Variants in PDE4D observed in about 807,000 individuals in gnomAD.
PDE4D encodes 3',5'-cyclic-AMP phosphodiesterase 4D.
Under a neutral mutation model 87.4 loss-of-function variants are expected in PDE4D, and 24 were observed. The observed-to-expected ratio is 0.27, with a 90% CI of 0.20 to 0.39. The LOEUF (loss-of-function observed/expected upper bound fraction) is 0.39. Ranked by LOEUF, PDE4D falls within the 10% of genes least tolerant of loss-of-function variation. The pLI is 1.00. For synonymous variants in PDE4D, 384 were observed against 383.2 expected (o/e 1.00, Z -0.02); for missense variants, 714 against 1,041.0 (o/e 0.69, Z 4.32).
At position 59,184,817 on chromosome 5, in the gene PDE4D, G is replaced by C. The variant is rs370195076; in HGVS notation, c.758+372C>G. On this transcript the variant is annotated intron_variant, in intron 4 of 14. Coordinates refer to ENST00000340635, the MANE Select transcript of PDE4D (RefSeq NM_001104631.2). ...TGATATGGCGCTTCTCCAAATCATC[G>C]TTGTCTTGAGAGGATGACTTTCAGC... Among the ~76,000 whole-genome samples, 5 of 152,146 alleles carry C rather than the reference G, an allele frequency of 3.3e-5. No individual in the cohort carries two copies. In the East Asian group the frequency reaches 7.7e-4, roughly 23 times the overall value.
chr5:60,174,068 A>G (rs1783707009), intron 2 of PDE4D, among the ~76,000 whole-genome samples: 1 of 152,128 alleles, frequency 6.6e-6, no homozygotes, highest in Non-Finnish European at 1.5e-5. Context: ...CTAGTTTGGG[A>G]AATGTTGTGT....
chr5:60,337,810 C>T (rs1757947892), intron 1 of PDE4D, among the ~76,000 whole-genome samples: 2 of 151,940 alleles, frequency 1.3e-5, no homozygotes, highest in Admixed American at 1.3e-4. Flanking sequence ...CAGATTTGTT[C>T]AGTCACGCAA....
chr5:60,166,016 G>A (rs1026831509), intron 2 of PDE4D, among the ~76,000 whole-genome samples: 2 of 151,952 alleles, frequency 1.3e-5, no homozygotes, highest in Non-Finnish European at 2.9e-5. Flanking sequence ...CTGATTCCTT[G>A]CATTTTGTGT....
chr5:59,527,943 CT>C (rs1309416413), intron 1 of PDE4D, among the ~76,000 whole-genome samples: 1 of 152,114 alleles, frequency 6.6e-6, no homozygotes, highest in African/African-American at 2.4e-5. Flanking sequence ...CTTAAGTATC[CT>C]TCTGTTATAT....
chr5:60,085,040 A>C (rs950970429), intron 2 of PDE4D, among the ~76,000 whole-genome samples: 2 of 152,208 alleles, frequency 1.3e-5, no homozygotes, highest in Non-Finnish European at 2.9e-5. Context: ...ATTTTTCCTA[A>C]GAGTAATAAT....
intron 1 of PDE4D, among the ~76,000 whole-genome samples, chr5:60,419,128 T>C (rs948410566): frequency 6.6e-6 from 1 of 152,154 alleles, no homozygotes; most frequent in South Asian, 2.1e-4. Context: ...CAGGTAGCAA[T>C]TGCACTTTTA....
chr5:59,856,819 TA>T (rs1313905649), intron 1 of PDE4D, among the ~76,000 whole-genome samples: 1 of 152,162 alleles, frequency 6.6e-6, no homozygotes, highest in Non-Finnish European at 1.5e-5. Flanking sequence ...TTCAAACTTT[TA>T]CATGAAAGCT....
chr5:60,148,254 T>C (rs1307889783), intron 2 of PDE4D, among the ~76,000 whole-genome samples: 1 of 152,178 alleles, frequency 6.6e-6, no homozygotes, highest in Non-Finnish European at 1.5e-5. Context: ...CCCAAGAGAA[T>C]GTACAGTTGA....
intron 1 of PDE4D, among the ~76,000 whole-genome samples, chr5:60,463,291 T>C (rs781624346): frequency 2.0e-5 from 3 of 152,150 alleles, no homozygotes; most frequent in Non-Finnish European, 4.4e-5. Context: ...GTCTAGTTAA[T>C]GTGTCTCCCG....
intron 1 of PDE4D, chr5:59,768,358 G>A (rs752672238): frequency 1.3e-6 from 2 of 1,598,250 alleles, no homozygotes; most frequent in African/African-American, 2.7e-5. Flanking sequence ...GAGCTTGGGA[G>A]AAACCGATTT....
At chr5:59,691,330 T>A (rs545045106) in intron 1 of PDE4D, among the ~76,000 whole-genome samples, 2 of 151,968 alleles carry the variant, frequency 1.3e-5, no homozygotes, top group African/African-American at 4.8e-5. Context: ...CAAATGTCCA[T>A]CAATGATAGA....
intron 5 of PDE4D, among the ~76,000 whole-genome samples, chr5:59,126,842 G>A (rs568518142): frequency 6.6e-6 from 1 of 152,110 alleles, no homozygotes; most frequent in South Asian, 2.1e-4. Context: ...AAAATAAAGC[G>A]TGTTATACAG....
In PDE4D at chr5:59,715,760, C is replaced by T. The variant is rs575287656; in HGVS notation, c.455+177408G>A. 9.2e-5 allele frequency among the ~76,000 whole-genome samples: 14 copies of T among 152,270 alleles called. No individual in the cohort carries two copies. The South Asian group carries it at 2.7e-3, about 29-fold the overall frequency. On this transcript the variant is annotated intron_variant, in intron 1 of 14. Transcript: ENST00000340635. Reference sequence around the variant, plus strand: ...ACGGATGGTAACCTGTTGTTGCATGCCCCAATGCCCCTAAAGGTAGGGAAA... The same window carrying T: ...ACGGATGGTAACCTGTTGTTGCATGTCCCAATGCCCCTAAAGGTAGGGAAA...
Position 59,646,899 on chromosome 5 carries a change from G to A in PDE4D, c.455+246269C>T, listed in dbSNP as rs192711286. On this transcript the variant is annotated intron_variant, in intron 1 of 14. Coordinates refer to ENST00000340635, the MANE Select transcript of PDE4D (RefSeq NM_001104631.2). ...AACTACAAAAAATTAGCTGATCATG[G>A]TGGCACGAGCCTGTAGTCCCAGCTA... Among the ~76,000 whole-genome samples the A allele has an allele frequency of 4.9e-4, 75 of 152,212 alleles. 1 individual carries two copies. Among genetic ancestry groups the A allele is most frequent in the Admixed American group, 4.8e-3 (73 of 15,278 alleles).
intron 1 of PDE4D, among the ~76,000 whole-genome samples, chr5:59,737,970 T>C (rs755665872): frequency 8.5e-5 from 13 of 152,170 alleles, no homozygotes; most frequent in Non-Finnish European, 1.0e-4. Context: ...AGAAAAAATA[T>C]GCAGAGCCCT....
chr5:59,873,584 C>T (rs1271024052), intron 1 of PDE4D, among the ~76,000 whole-genome samples: 1 of 152,148 alleles, frequency 6.6e-6, no homozygotes, highest in Non-Finnish European at 1.5e-5. Flanking sequence ...CAACTTTTAC[C>T]TATGAAGTTG....
At chr5:60,118,454 G>A (rs535110893) in intron 2 of PDE4D, among the ~76,000 whole-genome samples, 62 of 151,984 alleles carry the variant, frequency 4.1e-4, no homozygotes, top group African/African-American at 1.4e-3. Flanking sequence ...TTAAGCTGAT[G>A]GTTTCTTTCC....
intron 1 of PDE4D, among the ~76,000 whole-genome samples, chr5:59,600,845 A>G (rs936894060): frequency 5.9e-5 from 9 of 152,218 alleles, no homozygotes; most frequent in Non-Finnish European, 1.3e-4. Flanking sequence ...AATAAAAGCT[A>G]TGCTCAATTT....
intron 2 of PDE4D, among the ~76,000 whole-genome samples, chr5:60,028,103 A>G (rs1162602157): frequency 6.6e-6 from 1 of 152,122 alleles, no homozygotes; most frequent in Non-Finnish European, 1.5e-5. Flanking sequence ...ACCCCAGACA[A>G]CATAGACTCT....
Sources: gnomAD v4.1 joint callset for allele counts (sites outside exome capture counted in the v4.1 genomes callset) on GRCh38, gnomAD v4.1.1 for gene constraint, MANE v1.5 for transcripts, NCBI Gene and HGNC (gene_info 2026-07-23, HGNC 2026-07-21) for gene names.